NACC2: variants seen among roughly 807,000 people sequenced by gnomAD.
NACC2 encodes NACC family member 2.
A neutral mutation model predicts 25.1 loss-of-function variants in NACC2; 8 were observed. The ratio of observed to expected loss-of-function variants is 0.32; its 90% confidence interval spans 0.19 to 0.57. NACC2 has a LOEUF of 0.57. Among genes scored for constraint, NACC2 ranks in the 20% least tolerant of loss-of-function variants. The pLI is 0.89. For missense variants in NACC2, 644 were observed against 650.2 expected (o/e 0.99, Z 0.10); for synonymous variants, 435 against 294.7 (o/e 1.48, Z -4.88).
intron 2 of NACC2, among the ~76,000 whole-genome samples, chr9:136,033,894 GGTGTGT>G (rs57460855): frequency 0.049 from 6,642 of 136,944 alleles, 188 homozygotes; most frequent in Middle Eastern, 0.095. Flanking sequence ...AATTCCAGCA[GGTGTGT>G]GTGTGTGTGT....
chr9:136,056,017 C>T (rs993890321), intron 1 of NACC2, among the ~76,000 whole-genome samples: 1 of 152,182 alleles, frequency 6.6e-6, no homozygotes, highest in African/African-American at 2.4e-5. Flanking sequence ...CCGCGCAACG[C>T]CTTCCCTTTC....
intron 1 of NACC2, among the ~76,000 whole-genome samples, chr9:136,051,808 C>T (rs903679183): frequency 6.6e-6 from 1 of 151,936 alleles, no homozygotes; most frequent in Non-Finnish European, 1.5e-5. Context: ...AGCCCGCCTG[C>T]CCAGCTGCTC....
intron 1 of NACC2, among the ~76,000 whole-genome samples, chr9:136,087,498 A>T (rs1830390962): frequency 1.3e-5 from 2 of 152,092 alleles, no homozygotes; most frequent in Non-Finnish European, 2.9e-5. Flanking sequence ...GCCCCACTGG[A>T]AGGGAGGGCG....
At chr9:136,072,623 G>C (rs983928983) in intron 1 of NACC2, among the ~76,000 whole-genome samples, 4 of 152,128 alleles carry the variant, frequency 2.6e-5, no homozygotes. Context: ...ATGCCGAGGC[G>C]GGCGGATCAC....
chr9:136,054,008 C>A (rs1262486465), intron 1 of NACC2, among the ~76,000 whole-genome samples: 1 of 152,228 alleles, frequency 6.6e-6, no homozygotes, highest in African/African-American at 2.4e-5. Context: ...CCTGTAAGGA[C>A]ACCTCAGCCT....
chr9:136,060,986 G>A (rs946173550), intron 1 of NACC2, among the ~76,000 whole-genome samples: 32 of 152,348 alleles, frequency 2.1e-4, no homozygotes, highest in African/African-American at 7.5e-4. Flanking sequence ...GCCCTGGCCT[G>A]AGGCCATGGT....
intron 2 of NACC2, among the ~76,000 whole-genome samples, chr9:136,024,540 G>A (rs1840358350): frequency 6.9e-6 from 1 of 145,366 alleles, no homozygotes; most frequent in Non-Finnish European, 1.5e-5. Context: ...TGTGGACAGT[G>A]TGTGTGAGGA....
At chr9:136,066,873 T>C (rs1012473843) in intron 1 of NACC2, among the ~76,000 whole-genome samples, 1 of 150,196 alleles carries the variant, frequency 6.7e-6, no homozygotes, top group Non-Finnish European at 1.5e-5. Flanking sequence ...TGAAAAAAAA[T>C]GCTGGTCACA....
chr9:136,049,320 C>T (rs896805470), intron 2 of NACC2, among the ~76,000 whole-genome samples: 1 of 152,184 alleles, frequency 6.6e-6, no homozygotes, highest in Non-Finnish European at 1.5e-5. Flanking sequence ...CACCGCGTGG[C>T]GCCAGGCCCT....
intron 1 of NACC2, among the ~76,000 whole-genome samples, 176 bp downstream of exon 1, chr9:136,095,013 C>T (rs1830474923): frequency 6.8e-6 from 1 of 146,014 alleles, no homozygotes; most frequent in African/African-American, 2.5e-5. Flanking sequence ...CCCGCGCGCA[C>T]GCCCGGGCCG....
At chr9:136,089,864 G>C (rs911721670) in intron 1 of NACC2, among the ~76,000 whole-genome samples, 1 of 151,406 alleles carries the variant, frequency 6.6e-6, no homozygotes, top group Non-Finnish European at 1.5e-5. Flanking sequence ...CAAAGTTAAT[G>C]GACATGACAC....
At chr9:136,051,343 C>T (rs1840831398) in intron 1 of NACC2, among the ~76,000 whole-genome samples, 1 of 152,208 alleles carries the variant, frequency 6.6e-6, no homozygotes, top group South Asian at 2.1e-4. Flanking sequence ...CTGTCGCAGC[C>T]CCACTCGCGG....
chr9:136,087,035 G>A (rs1830386623), intron 1 of NACC2, among the ~76,000 whole-genome samples: 1 of 152,238 alleles, frequency 6.6e-6, no homozygotes, highest in Non-Finnish European at 1.5e-5. Context: ...ACCCTAACAT[G>A]CATCCTTACA....
intron 1 of NACC2, among the ~76,000 whole-genome samples, chr9:136,071,273 G>T (rs113816024): frequency 6.7e-6 from 1 of 150,112 alleles, no homozygotes; most frequent in Non-Finnish European, 1.5e-5. Flanking sequence ...GGCTGGGCGC[G>T]GTGGCTCACG....
At chr9:136,057,627 A>G (rs1222926569) in intron 1 of NACC2, among the ~76,000 whole-genome samples, 1 of 152,118 alleles carries the variant, frequency 6.6e-6, no homozygotes, top group Non-Finnish European at 1.5e-5. Context: ...TTAAAAAGCC[A>G]GCGCCAGCTC....
At chr9:136,044,198 C>T (rs1414790380) in intron 2 of NACC2, among the ~76,000 whole-genome samples, 1 of 152,084 alleles carries the variant, frequency 6.6e-6, no homozygotes, top group Non-Finnish European at 1.5e-5. Flanking sequence ...ACCACAGATG[C>T]ACCATATCTA....
chr9:136,057,483 AC>A (rs1840941970), intron 1 of NACC2, among the ~76,000 whole-genome samples: 1 of 152,224 alleles, frequency 6.6e-6, no homozygotes, highest in African/African-American at 2.4e-5. Context: ...GCTCCCTCAC[AC>A]CACAAAACAT....
At chr9:136,052,839 T>C (rs1378502913) in intron 1 of NACC2, among the ~76,000 whole-genome samples, 1 of 152,292 alleles carries the variant, frequency 6.6e-6, no homozygotes, top group African/African-American at 2.4e-5. Flanking sequence ...TTATTGAGCC[T>C]TTTCCTGGGA....
At chr9:136,048,464 A>AC (rs1840761422) in intron 2 of NACC2, among the ~76,000 whole-genome samples, 4 of 152,104 alleles carry the variant, frequency 2.6e-5, no homozygotes, top group Non-Finnish European at 4.4e-5. Flanking sequence ...ATCAAGCCCT[A>AC]CCCCCTACCA....
Sources: gnomAD v4.1 joint callset for allele counts (sites outside exome capture counted in the v4.1 genomes callset) on GRCh38, gnomAD v4.1.1 for gene constraint, MANE v1.5 for transcripts, NCBI Gene and HGNC (gene_info 2026-07-23, HGNC 2026-07-21) for gene names.